MOGAT2: variants seen among roughly 807,000 people sequenced by gnomAD.
The protein encoded by MOGAT2 is monoacylglycerol O-acyltransferase 2.
A neutral mutation model predicts 31.5 loss-of-function variants in MOGAT2; 27 were observed. The observed-to-expected ratio is 0.86, with a 90% confidence interval of 0.63 to 1.18. The LOEUF is 1.18. Among genes scored for constraint, MOGAT2 ranks in the 50% most tolerant of loss-of-function variants. MOGAT2 has a pLI of 0.00. For synonymous variants in MOGAT2, 163 were observed against 170.0 expected (o/e 0.96, Z 0.32); for missense variants, 436 against 433.2 (o/e 1.01, Z -0.06).
At chr11:75,726,108 G>T (rs1944419215) in intron 2 of MOGAT2, among the ~76,000 whole-genome samples, 1 of 152,158 alleles carries the variant, frequency 6.6e-6, no homozygotes, top group African/African-American at 2.4e-5. Flanking sequence ...AGCTGCTAAT[G>T]ACAGCAGCTC....
At chr11:75,729,153 G>T (rs968448430) in intron 5 of MOGAT2, among the ~76,000 whole-genome samples, 164 bp downstream of exon 5, 12 of 152,210 alleles carry the variant, frequency 7.9e-5, no homozygotes, top group Non-Finnish European at 1.6e-4. Flanking sequence ...AAGACAGTCT[G>T]GGATAGGAAC....
intron 2 of MOGAT2, among the ~76,000 whole-genome samples, chr11:75,727,070 C>T (rs1041834888): frequency 4.6e-5 from 7 of 152,066 alleles, no homozygotes; most frequent in Non-Finnish European, 1.0e-4. Flanking sequence ...CATGTTATAT[C>T]CTGTCCAGGT....
At chr11:75,724,228 A>C (rs879344463) in intron 2 of MOGAT2, among the ~76,000 whole-genome samples, 5 of 152,180 alleles carry the variant, frequency 3.3e-5, no homozygotes, top group Non-Finnish European at 5.9e-5. Flanking sequence ...CATTGGGCTC[A>C]TTCCTTCCTT....
intron 2 of MOGAT2, 94 bp downstream of exon 2, chr11:75,720,264 G>C: frequency 7.2e-7 from 1 of 1,389,554 alleles, no homozygotes; most frequent in Non-Finnish European, 9.9e-7. Flanking sequence ...ATATGGCCCT[G>C]CATGCACTGA....
At position 75,731,493 on chromosome 11, in the gene MOGAT2, G is replaced by T; in HGVS notation, c.*207G>T. 1 of 552,940 alleles carries T rather than the reference G, an allele frequency of 1.8e-6. No homozygotes were observed. The highest frequency in any genetic ancestry group is 2.3e-5 in the South Asian group (1 of 42,580). The allele number at this position is 552,940 out of a possible 1,614,324, so 34.3% of individuals were successfully genotyped here. A position where few individuals can be genotyped will look rare whatever the true frequency, so the allele number is the denominator to read the frequency against. On this transcript the variant is annotated 3_prime_UTR_variant, in exon 6 of 6. Transcript: ENST00000198801. ...GGGGCTAGGACAGTGAGGGCTGCTA[G>T]AGGGGCTGGGCCTCTCTTTGCACAT...
intron 4 of MOGAT2, chr11:75,728,396 G>A (rs3862806): frequency 0.019 from 12,241 of 639,396 alleles, 846 homozygotes; most frequent in African/African-American, 0.17. Flanking sequence ...TCTGAGATCT[G>A]TGGTATCTAG....
rs1282526158 is a variant in MOGAT2 at position 75,727,558 on chromosome 11, T to C, written c.394T>C (p.Phe132Leu). 1 of 1,614,192 alleles carries C rather than the reference T, an allele frequency of 6.2e-7. No individual in the cohort carries two copies. Among genetic ancestry groups the C allele is most frequent in the Admixed American group, 1.7e-5 (1 of 60,020 alleles). ...CTESTGFSSI[F>L]PGIRPHLMML... ...TGAGAGCACAGGCTTCTCTTCGATC[T>C]TCCCCGGTATCCGCCCCCATCTGAT... The change falls in exon 3 of 6, where the codon TTC becomes CTC. Residue 132 changes from phenylalanine to leucine, a missense_variant. Physicochemically the swap from Phe to Leu is conservative, Grantham distance 22. Transcript: ENST00000198801.
At position 75,728,042 on chromosome 11, in the gene MOGAT2, T is replaced by A; in HGVS notation, c.548T>A (p.Ile183Asn). Residue 183 changes from isoleucine (I) to asparagine (N), a missense_variant, in exon 4 of 6, where the codon ATC becomes AAC. Coordinates refer to ENST00000198801, the MANE Select transcript of MOGAT2 (RefSeq NM_025098.4). ...NRKGGGNLLG[I>N]IVGGAQEALD... is the part of the protein sequence containing the mutation. Reference sequence around the variant, plus strand: ...AAGGGTGGCGGAAACTTGCTGGGCATCATTGTAGGGGGTGCCCAGGAGGCC... The same window carrying A: ...AAGGGTGGCGGAAACTTGCTGGGCAACATTGTAGGGGGTGCCCAGGAGGCC... 3 of 1,614,038 alleles carry A rather than the reference T, an allele frequency of 1.9e-6. No homozygotes were observed. Among genetic ancestry groups the A allele is most frequent in the East Asian group, 2.2e-5 (1 of 44,888 alleles).
Position 75,731,183 on chromosome 11 carries a change from T to A in MOGAT2, c.902T>A (p.Val301Glu), listed in dbSNP as rs1944476583. 1 of 1,613,788 alleles carries A rather than the reference T, an allele frequency of 6.2e-7. No individual in the cohort carries two copies. Among genetic ancestry groups the A allele is most frequent in the Non-Finnish European group, 8.5e-7 (1 of 1,179,978 alleles). ...ACGCTGCATCCCTCGGAGGAGGAGG[T>A]GAACCAGCTGCACCAGCGTTATATC... ...QKTLHPSEEEVNQLHQRYIKE... is the reference protein window; with the variant it reads ...QKTLHPSEEEENQLHQRYIKE... Residue 301 changes from valine to glutamate, a missense_variant, in exon 6 of 6, where the codon GTG becomes GAG. Transcript: ENST00000198801.
At chr11:75,730,590 C>G (rs548646826) in intron 5 of MOGAT2, among the ~76,000 whole-genome samples, 1 of 152,240 alleles carries the variant, frequency 6.6e-6, no homozygotes, top group Admixed American at 6.5e-5. Flanking sequence ...TCATGTAAAG[C>G]ACCTAGTGCA....
chr11:75,729,212 T>C (rs1223669538), intron 5 of MOGAT2, among the ~76,000 whole-genome samples: 2 of 152,250 alleles, frequency 1.3e-5, no homozygotes, highest in Non-Finnish European at 1.5e-5. Flanking sequence ...GCTGAGCACC[T>C]GCTGTGTGCC....
rs367807636 is a variant in MOGAT2, at chr11:75,717,882, C to A, written c.-7C>A. 6.2e-7 allele frequency: 1 copy of A among 1,613,786 alleles called. No homozygotes were observed. ...AGAACCTGCGGGAGCCAGGCTGACC[C>A]GCCAGCATGGTAGAGTTCGCGCCCT... On this transcript the variant is annotated 5_prime_UTR_variant, in exon 1 of 6. Coordinates refer to ENST00000198801, the MANE Select transcript of MOGAT2 (RefSeq NM_025098.4).
At chr11:75,728,625 G>A in intron 4 of MOGAT2, 165 bp from the exon 5 acceptor site, 3 of 633,950 alleles carry the variant, frequency 4.7e-6, no homozygotes, top group African/African-American at 1.8e-5. Flanking sequence ...CAGAGAATGG[G>A]GCTGTGAAGG....
intron 4 of MOGAT2, 142 bp downstream of exon 4, chr11:75,728,286 G>T (rs1481049683): frequency 9.5e-7 from 1 of 1,050,180 alleles, no homozygotes; most frequent in South Asian, 1.4e-5. Context: ...TTATATTTTG[G>T]TGTCTTATGC....
rs773269178 is a variant in MOGAT2 at position 75,717,915 on chromosome 11, G to T, written c.27G>T (p.Met9Ile). Residue 9 changes from methionine to isoleucine, a missense_variant, in exon 1 of 6, where the codon ATG (methionine) becomes ATT (isoleucine). Physicochemically the swap from Met to Ile is conservative, Grantham distance 10. Transcript: ENST00000198801. ...TGGTAGAGTTCGCGCCCTTGTTTAT[G>T]CCGTGGGAGCGCAGGCTGCAGACAC... MVEFAPLF[M>I]PWERRLQTLA... 3 of 1,614,196 alleles carry T rather than the reference G, an allele frequency of 1.9e-6. No homozygotes were observed. Among genetic ancestry groups the T allele is most frequent in the Non-Finnish European group, 2.5e-6 (3 of 1,180,016 alleles).
chr11:75,727,563 C>G lies in MOGAT2; in HGVS notation c.399C>G (p.Pro133=), dbSNP rs148157580. 6.2e-7 allele frequency: 1 copy of G among 1,614,072 alleles called. No individual in the cohort carries two copies. Among genetic ancestry groups the G allele is most frequent in the South Asian group, 1.1e-5 (1 of 91,088 alleles). The part of the protein sequence containing the change: ...TESTGFSSIF[P]GIRPHLMMLT... ...GCACAGGCTTCTCTTCGATCTTCCC[C>G]GGTATCCGCCCCCATCTGATGATGC... The change falls in exon 3 of 6, where the codon CCC becomes CCG. Residue 133 remains proline, a synonymous_variant. Transcript: ENST00000198801.
intron 3 of MOGAT2, 21 bp downstream of exon 3, chr11:75,727,660 G>A: frequency 6.2e-7 from 1 of 1,607,104 alleles, no homozygotes; most frequent in Non-Finnish European, 8.5e-7. Context: ...CTACCCCTGA[G>A]CAGCTCAGGA....
rs370837360 is a variant in MOGAT2, at chr11:75,728,969, G to A, written c.830G>A (p.Arg277His). The stretch of plus-strand genomic sequence containing the variant: ...TACAGCTTTGGTTTAATACCCTACC[G>A]CCGGCCCATCACCACTGTGGGTAAG... ...FQYSFGLIPY[R>H]RPITTVVGKP... Residue 277 changes from arginine to histidine, a missense_variant, in exon 5 of 6, where the codon CGC becomes CAC. Arg to His is a conservative substitution (Grantham distance 29). Coordinates refer to ENST00000198801, the MANE Select transcript of MOGAT2 (RefSeq NM_025098.4). 1.9e-5 allele frequency: 31 copies of A among 1,613,684 alleles called. No individual in the cohort carries two copies. The highest frequency in any genetic ancestry group is 8.0e-5 in the African/African-American group (6 of 74,900).
intron 5 of MOGAT2, among the ~76,000 whole-genome samples, chr11:75,730,739 T>C (rs1944469053): frequency 1.3e-5 from 2 of 151,582 alleles, no homozygotes; most frequent in Admixed American, 1.3e-4. Flanking sequence ...TGAAACCCCA[T>C]CTCTACTAAA....
Sources: gnomAD v4.1 joint callset for allele counts (sites outside exome capture counted in the v4.1 genomes callset) on GRCh38, gnomAD v4.1.1 for gene constraint, MANE v1.5 for transcripts, NCBI Gene and HGNC (gene_info 2026-07-23, HGNC 2026-07-21) for gene names.